Variants in ADAM22 observed in about 807,000 individuals in gnomAD.
ADAM22 encodes ADAM metallopeptidase domain 22.
Under a neutral mutation model 144.6 loss-of-function variants are expected in ADAM22, and 65 were observed. That is an observed-to-expected ratio of 0.45 (90% CI 0.37 to 0.55). ADAM22 has a LOEUF of 0.55. ADAM22 is among the 20% of genes least tolerant of loss of function. The probability of loss-of-function intolerance (pLI) is 0.00; values close to 1 mark genes in which losing one functional copy is unlikely to be tolerated. For synonymous variants in ADAM22, 391 were observed against 412.6 expected (o/e 0.95, Z 0.63); for missense variants, 974 against 1,184.9 (o/e 0.82, Z 2.61).
At chr7:88,173,492 G>T (rs772403978) in intron 26 of ADAM22, among the ~76,000 whole-genome samples, 14 of 152,062 alleles carry the variant, frequency 9.2e-5, no homozygotes, top group South Asian at 2.1e-4. Context: ...AGTTGTGAAT[G>T]TATAAGTGTT....
chr7:88,110,989 C>T (rs1427792662), intron 5 of ADAM22, among the ~76,000 whole-genome samples: 4 of 147,632 alleles, frequency 2.7e-5, no homozygotes, highest in Non-Finnish European at 5.9e-5. Context: ...GATCCGCCCA[C>T]CTCAGCCTCC....
chr7:88,162,417 G>A (rs985214389), intron 22 of ADAM22, among the ~76,000 whole-genome samples: 1 of 151,918 alleles, frequency 6.6e-6, no homozygotes, highest in African/African-American at 2.4e-5. Flanking sequence ...GAAATATTCT[G>A]CACGACAAAC....
At chr7:88,039,939 A>G (rs890242836) in intron 3 of ADAM22, among the ~76,000 whole-genome samples, 2 of 151,628 alleles carry the variant, frequency 1.3e-5, no homozygotes, top group Non-Finnish European at 2.9e-5. Context: ...CCCTCTCTAA[A>G]TGTAGACATA....
intron 3 of ADAM22, among the ~76,000 whole-genome samples, chr7:88,031,533 C>T (rs184439599): frequency 5.9e-5 from 9 of 152,346 alleles, no homozygotes; most frequent in Non-Finnish European, 1.2e-4. Context: ...ATCAGTTGAA[C>T]TTTGAACTTG....
At chr7:88,055,509 A>G (rs1298713082) in intron 3 of ADAM22, among the ~76,000 whole-genome samples, 1 of 152,208 alleles carries the variant, frequency 6.6e-6, no homozygotes, top group Non-Finnish European at 1.5e-5. Flanking sequence ...ATATTTAGGA[A>G]CGATCTCGGT....
intron 3 of ADAM22, among the ~76,000 whole-genome samples, chr7:87,989,291 T>G (rs1789193340): frequency 6.6e-6 from 1 of 152,174 alleles, no homozygotes; most frequent in African/African-American, 2.4e-5. Context: ...GTTTAAAGAG[T>G]TGATTTTTAT....
chr7:88,110,959 T>A (rs1272931073), intron 5 of ADAM22, among the ~76,000 whole-genome samples: 1 of 145,334 alleles, frequency 6.9e-6, no homozygotes, highest in Non-Finnish European at 1.5e-5. Flanking sequence ...GCCAGGTTGG[T>A]CTCGAACTCC....
At chr7:88,104,651 C>T (rs1032449260) in intron 4 of ADAM22, among the ~76,000 whole-genome samples, 6 of 151,906 alleles carry the variant, frequency 3.9e-5, no homozygotes, top group Non-Finnish European at 5.9e-5. Flanking sequence ...AGCTTCATTA[C>T]TTCTTAGTTT....
At position 88,192,824 on chromosome 7, in the gene ADAM22, T is replaced by C. The variant is rs371820184; in HGVS notation, c.2751-292T>C. Among the ~76,000 whole-genome samples the C allele has an allele frequency of 1.6e-4, 25 of 152,338 alleles. 2 individuals are homozygous for C. In the East Asian group the frequency reaches 2.1e-3, roughly 13 times the overall value. On this transcript the variant is annotated intron_variant, in intron 30 of 31. Transcript: ENST00000413139. ...GCTCTTAGAATAATTTCATCCCTTC[T>C]GCATTTTAGCTTTTTATCTATTCTA...
intron 2 of ADAM22, among the ~76,000 whole-genome samples, chr7:87,952,921 T>C (rs1432840942): frequency 6.6e-6 from 1 of 152,224 alleles, no homozygotes; most frequent in Non-Finnish European, 1.5e-5. Flanking sequence ...TTTTCTAGTT[T>C]ATTTGTGTAG....
chr7:87,978,242 T>C (rs1852382662), intron 2 of ADAM22, 94 bp from the exon 3 acceptor site: 1 of 939,710 alleles, frequency 1.1e-6, no homozygotes, highest in Non-Finnish European at 1.6e-6. Context: ...TTTCTTATGA[T>C]ATTGTAAGTG....
intron 3 of ADAM22, among the ~76,000 whole-genome samples, chr7:88,065,047 T>C (rs1465516834): frequency 6.6e-6 from 1 of 152,184 alleles, no homozygotes; most frequent in East Asian, 1.9e-4. Context: ...AGATGTTTAA[T>C]ACTTTTCTTG....
chr7:88,196,538 T>G lies in ADAM22; in HGVS notation c.*47T>G. ...ACATCGAAAACTGTTTACTTCAACT[T>G]TTATAGAAACCCAGGCTCATGGAAT... On this transcript the variant is annotated 3_prime_UTR_variant, in exon 32 of 32. Coordinates refer to ENST00000413139, the MANE Select transcript of ADAM22 (RefSeq NM_001324418.2). 1 of 1,601,478 alleles carries G rather than the reference T, an allele frequency of 6.2e-7. No individual in the cohort carries two copies. Among genetic ancestry groups the G allele is most frequent in the Non-Finnish European group, 8.6e-7 (1 of 1,168,906 alleles).
intron 8 of ADAM22, 76 bp downstream of exon 8, chr7:88,125,735 C>A: frequency 1.6e-6 from 2 of 1,219,606 alleles, no homozygotes; most frequent in South Asian, 1.5e-5. Context: ...TACAGTAAGT[C>A]TGTGTGAGAG....
intron 3 of ADAM22, among the ~76,000 whole-genome samples, chr7:87,979,101 T>G (rs1237941130): frequency 3.3e-5 from 5 of 152,186 alleles, no homozygotes; most frequent in Non-Finnish European, 7.4e-5. Flanking sequence ...ACCAGGGTTC[T>G]GCCAGGCCTA....
intron 3 of ADAM22, among the ~76,000 whole-genome samples, chr7:88,018,364 G>A (rs1192670893): frequency 6.6e-6 from 1 of 152,050 alleles, no homozygotes; most frequent in Non-Finnish European, 1.5e-5. Context: ...CAATTAAAAA[G>A]GAGTGTCATT....
At chr7:88,015,760 C>A (rs1416463248) in intron 3 of ADAM22, among the ~76,000 whole-genome samples, 1 of 152,080 alleles carries the variant, frequency 6.6e-6, no homozygotes, top group African/African-American at 2.4e-5. Flanking sequence ...ATATATTGTT[C>A]TTTTATTACT....
At chr7:87,963,514 A>T (rs1022709656) in intron 2 of ADAM22, among the ~76,000 whole-genome samples, 1 of 152,172 alleles carries the variant, frequency 6.6e-6, no homozygotes, top group Non-Finnish European at 1.5e-5. Context: ...AAGAATCAAG[A>T]TATCTTGTAG....
chr7:88,021,988 T>C (rs1015027455), intron 3 of ADAM22, among the ~76,000 whole-genome samples: 2 of 152,028 alleles, frequency 1.3e-5, no homozygotes, highest in African/African-American at 4.8e-5. Context: ...TCCTCCCATT[T>C]CCGCCTCCCG....
Sources: allele counts gnomAD v4.1 joint callset (sites outside exome capture counted in the v4.1 genomes callset), GRCh38; gene constraint gnomAD v4.1.1; transcripts MANE v1.5; gene names NCBI Gene and HGNC (gene_info 2026-07-23, HGNC 2026-07-21).